The following ERC2 variants were observed in gnomAD, a reference collection of about 807,000 sequenced individuals.
ERC2 encodes ELKS/RAB6-interacting/CAST family member 2.
In ERC2, 42 loss-of-function variants were observed where a neutral mutation model predicts 114.8. The ratio of observed to expected loss-of-function variants is 0.37; its 90% confidence interval spans 0.29 to 0.47. The LOEUF (loss-of-function observed/expected upper bound fraction) is 0.47, where lower values mean the gene tolerates loss of function less well. Among genes scored for constraint, ERC2 ranks in the 20% least tolerant of loss-of-function variants. The pLI, the probability that ERC2 is intolerant of heterozygous loss-of-function variation, is 0.99. For synonymous variants in ERC2, 454 were observed against 425.5 expected (o/e 1.07, Z -0.82); for missense variants, 939 against 1,150.7 (o/e 0.82, Z 2.66).
chr3:56,464,439 C>G (rs1463925155), intron 1 of ERC2, among the ~76,000 whole-genome samples: 1 of 152,196 alleles, frequency 6.6e-6, no homozygotes, highest in Non-Finnish European at 1.5e-5. Flanking sequence ...AGGAGCCCAA[C>G]CTATACCAGC....
chr3:55,781,436 AG>A (rs2069034939), intron 14 of ERC2, among the ~76,000 whole-genome samples: 1 of 152,162 alleles, frequency 6.6e-6, no homozygotes, highest in Non-Finnish European at 1.5e-5. Context: ...GCCTGGGGGA[AG>A]AAACATTTGT....
intron 17 of ERC2, among the ~76,000 whole-genome samples, chr3:55,535,574 G>A (rs1384736198): frequency 6.6e-6 from 1 of 152,216 alleles, no homozygotes; most frequent in South Asian, 2.1e-4. Context: ...AGTGGAAAAG[G>A]TGGGAGTAAA....
At chr3:56,384,169 T>C (rs2059852626) in intron 2 of ERC2, among the ~76,000 whole-genome samples, 1 of 152,160 alleles carries the variant, frequency 6.6e-6, no homozygotes. Flanking sequence ...AACATGGGTG[T>C]ACAAATATCT....
intron 15 of ERC2, among the ~76,000 whole-genome samples, chr3:55,722,176 G>A (rs1017091424): frequency 6.6e-6 from 1 of 152,112 alleles, no homozygotes; most frequent in Non-Finnish European, 1.5e-5. Flanking sequence ...ACGGGGTCAT[G>A]TCTCAGTGGC....
At chr3:55,676,961 T>A (rs2061842539) in intron 17 of ERC2, among the ~76,000 whole-genome samples, 1 of 152,180 alleles carries the variant, frequency 6.6e-6, no homozygotes, top group South Asian at 2.1e-4. Flanking sequence ...CAACATGCAT[T>A]GCTCTGCCAG....
intron 14 of ERC2, among the ~76,000 whole-genome samples, chr3:55,786,608 G>A (rs145219548): frequency 2.0e-5 from 3 of 152,270 alleles, no homozygotes; most frequent in Non-Finnish European, 4.4e-5. Flanking sequence ...TACTGGGTAC[G>A]TACTATTATT....
At chr3:56,001,018 C>A in intron 10 of ERC2, among the ~76,000 whole-genome samples, 1 of 121,782 alleles carries the variant, frequency 8.2e-6, no homozygotes, top group East Asian at 2.1e-4. Flanking sequence ...TGAGAAAATT[C>A]TAATAATGTA....
intron 17 of ERC2, among the ~76,000 whole-genome samples, chr3:55,622,042 G>C (rs2059350290): frequency 6.6e-6 from 1 of 152,126 alleles, no homozygotes; most frequent in Non-Finnish European, 1.5e-5. Flanking sequence ...GACATAGTTG[G>C]GTAAGAATTT....
intron 2 of ERC2, among the ~76,000 whole-genome samples, chr3:56,353,215 T>C (rs1208209995): frequency 6.6e-6 from 1 of 152,062 alleles, no homozygotes; most frequent in Non-Finnish European, 1.5e-5. Flanking sequence ...AGCAACTAGA[T>C]ACTGAATTGT....
intron 17 of ERC2, among the ~76,000 whole-genome samples, chr3:55,583,362 C>A (rs1027996523): frequency 5.3e-5 from 8 of 151,810 alleles, no homozygotes; most frequent in African/African-American, 1.9e-4. Context: ...TGCCTGCCTG[C>A]CTGCCTGCCT....
intron 17 of ERC2, among the ~76,000 whole-genome samples, chr3:55,674,912 G>T (rs924435980): frequency 6.6e-6 from 1 of 152,156 alleles, no homozygotes; most frequent in Non-Finnish European, 1.5e-5. Flanking sequence ...ACACGGTGAG[G>T]TTGCAAACGC....
intron 2 of ERC2, among the ~76,000 whole-genome samples, chr3:56,320,818 G>A (rs1319710172): frequency 6.6e-6 from 1 of 152,154 alleles, no homozygotes; most frequent in Non-Finnish European, 1.5e-5. Flanking sequence ...TATCAGTCAG[G>A]TAACCTCCTT....
At chr3:55,879,089 C>CTTTTTCTTTTTTTTTTTTTTTTTTTTTT (rs2062997275) in intron 14 of ERC2, among the ~76,000 whole-genome samples, 1 of 45,386 alleles carries the variant, frequency 2.2e-5, no homozygotes, top group African/African-American at 8.6e-5. Flanking sequence ...CTTTTTTTTT[C>CTTTTTCTTTTTTTTTTTTTTTTTTTTTT]TTTTTCTTAA....
At chr3:55,697,404 C>T (rs1222381247) in intron 16 of ERC2, among the ~76,000 whole-genome samples, 2 of 152,152 alleles carry the variant, frequency 1.3e-5, no homozygotes, top group East Asian at 1.9e-4. Context: ...GTCTCAACAA[C>T]GTGGCTTAGC....
intron 15 of ERC2, among the ~76,000 whole-genome samples, chr3:55,724,226 CA>C (rs1190552003): frequency 6.6e-6 from 1 of 152,124 alleles, no homozygotes; most frequent in African/African-American, 2.4e-5. Context: ...TCTGGTGATG[CA>C]GGAAGAGATA....
At chr3:56,030,378 T>C (rs1443145840) in intron 7 of ERC2, among the ~76,000 whole-genome samples, 1 of 152,212 alleles carries the variant, frequency 6.6e-6, no homozygotes, top group African/African-American at 2.4e-5. Context: ...TTCCTATATT[T>C]AATTTCTTTA....
chr3:55,727,199 C>T (rs2064974792), intron 15 of ERC2, among the ~76,000 whole-genome samples: 1 of 151,974 alleles, frequency 6.6e-6, no homozygotes, highest in Non-Finnish European at 1.5e-5. Context: ...GGCTCCAAGA[C>T]ACCAAAAAAG....
At chr3:55,913,355 A>T (rs2064920653) in intron 13 of ERC2, among the ~76,000 whole-genome samples, 1 of 152,184 alleles carries the variant, frequency 6.6e-6, no homozygotes, top group African/African-American at 2.4e-5. Context: ...AAGAGTAGAT[A>T]AATCATATCT....
At chr3:56,304,880 T>C (rs1350752075) in intron 2 of ERC2, among the ~76,000 whole-genome samples, 2 of 152,214 alleles carry the variant, frequency 1.3e-5, no homozygotes, top group African/African-American at 4.8e-5. Flanking sequence ...GTATCATTCT[T>C]AATGGTAAAT....
Sources: gnomAD v4.1 joint callset for allele counts (sites outside exome capture counted in the v4.1 genomes callset) on GRCh38, gnomAD v4.1.1 for gene constraint, MANE v1.5 for transcripts, NCBI Gene and HGNC (gene_info 2026-07-23, HGNC 2026-07-21) for gene names.